The following CCDC180 variants were observed in gnomAD, a reference collection of about 807,000 sequenced individuals.
CCDC180 encodes coiled-coil domain containing 180, also known as coiled-coil domain-containing protein 180.
Under a neutral mutation model 209.2 loss-of-function variants are expected in CCDC180, and 154 were observed. The observed-to-expected ratio is 0.74, with a 90% CI of 0.65 to 0.84. The LOEUF is 0.84. CCDC180 is among the 40% of genes least tolerant of loss of function. CCDC180 has a pLI of 0.00. For missense variants in CCDC180, 1,874 were observed against 1,997.3 expected, an observed-to-expected ratio of 0.94 and a Z score of 1.18; for synonymous variants, 778 against 749.1, an observed-to-expected ratio of 1.04 and a Z score of -0.63.
intron 34 of CCDC180, 85 bp downstream of exon 34, chr9:97,371,791 A>G (rs1827109404): frequency 2.7e-6 from 2 of 739,832 alleles, no homozygotes; most frequent in Non-Finnish European, 2.2e-6. Flanking sequence ...CCCCAACTCT[A>G]TCAAAGTGAA....
At chr9:97,352,147 A>C (rs1184579009) in intron 22 of CCDC180, among the ~76,000 whole-genome samples, 2 of 140,094 alleles carry the variant, frequency 1.4e-5, no homozygotes, top group African/African-American at 5.3e-5. Flanking sequence ...ACAACAACAA[A>C]CAATAAAGAC....
intron 24 of CCDC180, 79 bp downstream of exon 24, chr9:97,355,087 C>A: frequency 1.1e-6 from 1 of 892,248 alleles, no homozygotes; most frequent in Non-Finnish European, 1.9e-6. Flanking sequence ...TGCTAGGAGG[C>A]CATTGTGGTC....
At position 97,307,963 on chromosome 9, in the gene CCDC180, G is replaced by T. The variant is rs749462552; in HGVS notation, c.-81-20G>T. ...CTGGACCTGAACCTGAGTTTGGGAC[G>T]GGCGATTTCCCAACCTCAGGAATTG... On this transcript the variant is annotated intron_variant, in intron 1 of 36. Transcript: ENST00000529487. 1 of 1,582,536 alleles carries T rather than the reference G, an allele frequency of 6.3e-7. No homozygotes were observed. Among genetic ancestry groups the T allele is most frequent in the Non-Finnish European group, 8.6e-7 (1 of 1,162,560 alleles).
chr9:97,360,801 A>G (rs1826730871), intron 26 of CCDC180, among the ~76,000 whole-genome samples: 2 of 152,114 alleles, frequency 1.3e-5, no homozygotes, highest in South Asian at 4.1e-4. Flanking sequence ...CTGAGACTGC[A>G]AGCCTCTATG....
intron 19 of CCDC180, among the ~76,000 whole-genome samples, chr9:97,346,946 C>T (rs778662564): frequency 2.0e-5 from 3 of 152,142 alleles, no homozygotes; most frequent in Non-Finnish European, 4.4e-5. Context: ...CAAATTTAGA[C>T]GTCTGACAAT....
rs202194832 is a variant in CCDC180 at position 97,314,867 on chromosome 9, A to G, written c.716A>G (p.Lys239Arg). ...CATTTCTAGCTAAAAAGCGTGTTGA[A>G]GAAATATGCAGAAGTCATAGAGAAA... Reference protein sequence around the residue: ...SRTDKLKSVLKKYAEVIEKTS... With the variant: ...SRTDKLKSVLRKYAEVIEKTS... Residue 239 changes from lysine to arginine, a missense_variant, in exon 8 of 37, where the codon AAG becomes AGG. Coordinates refer to ENST00000529487, the MANE Select transcript of CCDC180 (RefSeq NM_020893.6). 3.3e-4 allele frequency: 538 copies of G among 1,614,034 alleles called. 1 individual carries two copies. Among genetic ancestry groups the G allele is most frequent in the Non-Finnish European group, 4.2e-4 (496 of 1,179,894 alleles).
chr9:97,339,949 T>C (rs1826026899), intron 18 of CCDC180, among the ~76,000 whole-genome samples: 1 of 152,210 alleles, frequency 6.6e-6, no homozygotes, highest in Non-Finnish European at 1.5e-5. Context: ...CTTGATTGAA[T>C]TGGCTACTGA....
At chr9:97,324,894 C>A in intron 13 of CCDC180, 125 bp from the exon 14 acceptor site, 1 of 886,320 alleles carries the variant, frequency 1.1e-6, no homozygotes, top group South Asian at 1.9e-5. Context: ...AGAAGTTGAC[C>A]TTGAGGGACG....
chr9:97,322,658 T>TG (rs1276992304), intron 11 of CCDC180, among the ~76,000 whole-genome samples, 175 bp from the exon 12 acceptor site: 3 of 152,204 alleles, frequency 2.0e-5, no homozygotes, highest in Non-Finnish European at 4.4e-5. Context: ...ATCCTTATCT[T>TG]GGGATGTCAG....
rs565707449 is a variant in CCDC180 at position 97,370,099 on chromosome 9, C to T, written c.4350+17C>T. The T allele has an allele frequency of 4.3e-6, 7 of 1,611,368 alleles. No homozygotes were observed. The African/African-American group carries it at 6.7e-5, about 15-fold the overall frequency. ...AAAAGAAAGGTGAGGGCCCCAGGACCAGCCCTTCCACTCTAGGACCAGGGG... is the reference window on the plus strand; with the variant it reads ...AAAAGAAAGGTGAGGGCCCCAGGACTAGCCCTTCCACTCTAGGACCAGGGG... On this transcript the variant is annotated intron_variant, in intron 32 of 36. Transcript: ENST00000529487.
chr9:97,312,161 C>A lies in CCDC180; in HGVS notation c.309C>A (p.Thr103=). 1.2e-6 allele frequency: 2 copies of A among 1,614,074 alleles called. No individual in the cohort carries two copies. The highest frequency in any genetic ancestry group is 1.7e-6 in the Non-Finnish European group (2 of 1,179,984). The change falls in exon 4 of 37, where the codon ACC becomes ACA. Residue 103 remains threonine, a synonymous_variant. Transcript: ENST00000529487. ...KREKARESEN[T]IAAREVRGLM... ...AAAAAGCCCGAGAGAGTGAGAACAC[C>A]ATCGCTGCCCGAGAAGTGCGGGGTC...
chr9:97,355,181 G>T (rs1826543614), intron 24 of CCDC180, among the ~76,000 whole-genome samples, 173 bp downstream of exon 24: 1 of 151,942 alleles, frequency 6.6e-6, no homozygotes, highest in African/African-American at 2.4e-5. Context: ...TTGAGACAGG[G>T]TCTTGCTTTG....
chr9:97,374,311 A>G (rs1827180789), intron 34 of CCDC180: 4 of 505,720 alleles, frequency 7.9e-6, no homozygotes, highest in Non-Finnish European at 1.4e-5. Context: ...AGCTGGGAAC[A>G]GCACCCACAC....
chr9:97,361,949 C>G, intron 27 of CCDC180, 51 bp downstream of exon 27: 1 of 1,587,218 alleles, frequency 6.3e-7, no homozygotes, highest in East Asian at 2.3e-5. Context: ...GCCCCTGGCC[C>G]TGGACCTTCA....
chr9:97,340,559 AATC>A (rs1826046584), intron 18 of CCDC180, among the ~76,000 whole-genome samples: 1 of 152,238 alleles, frequency 6.6e-6, no homozygotes, highest in Non-Finnish European at 1.5e-5. Flanking sequence ...CTCGCTCTAT[AATC>A]ATAACCTGGA....
intron 14 of CCDC180, among the ~76,000 whole-genome samples, chr9:97,325,888 A>G (rs1833514627): frequency 1.3e-5 from 2 of 152,194 alleles, no homozygotes; most frequent in African/African-American, 2.4e-5. Context: ...GAGTATTTCG[A>G]AGTCCAGTAG....
intron 8 of CCDC180, 60 bp downstream of exon 8, chr9:97,315,006 A>G: frequency 7.6e-7 from 1 of 1,315,136 alleles, no homozygotes; most frequent in Non-Finnish European, 1.1e-6. Context: ...CCAGGAACCC[A>G]GGGCACCCCG....
intron 4 of CCDC180, 25 bp downstream of exon 4, chr9:97,312,226 C>T: frequency 6.2e-7 from 1 of 1,602,614 alleles, no homozygotes; most frequent in Non-Finnish European, 8.5e-7. Context: ...AGCCTCAAGG[C>T]AGGCCTGTCC....
intron 29 of CCDC180, among the ~76,000 whole-genome samples, chr9:97,364,897 C>T (rs887124687): frequency 5.9e-5 from 9 of 152,200 alleles, no homozygotes; most frequent in African/African-American, 1.7e-4. Context: ...CTGCCCGGTA[C>T]AGGCACTGCC....
Sources: gnomAD v4.1 joint callset for allele counts (sites outside exome capture counted in the v4.1 genomes callset) on GRCh38, gnomAD v4.1.1 for gene constraint, MANE v1.5 for transcripts, NCBI Gene and HGNC (gene_info 2026-07-23, HGNC 2026-07-21) for gene names.